Variants in TUSC3 observed in about 807,000 individuals in gnomAD.
TUSC3 encodes dolichyl-diphosphooligosaccharide--protein glycosyltransferase subunit TUSC3.
A neutral mutation model predicts 44.8 loss-of-function variants in TUSC3; 45 were observed. The observed-to-expected ratio is 1.00, with a 90% CI of 0.79 to 1.29. The LOEUF (loss-of-function observed/expected upper bound fraction) is 1.29. Among genes scored for constraint, TUSC3 ranks in the 50% most tolerant of loss-of-function variants. The pLI, the probability that TUSC3 is intolerant of heterozygous loss-of-function variation, is 0.00. For missense variants in TUSC3, 519 were observed against 437.9 expected, an observed-to-expected ratio of 1.19 and a Z score of -1.65; for synonymous variants, 212 against 152.9, an observed-to-expected ratio of 1.39 and a Z score of -2.85.
chr8:15,837,407 C>CTAATTATACG, the TUSC3 span, among the ~76,000 whole-genome samples: 1 of 152,084 alleles, frequency 6.6e-6, no homozygotes, highest in Non-Finnish European at 1.5e-5. Context: ...TTTTGTCAGA[C>CTAATTATACG]TAATTATACG....
intron 1 of TUSC3, among the ~76,000 whole-genome samples, chr8:15,558,348 G>A (rs1375049253): frequency 4.1e-5 from 2 of 49,140 alleles, no homozygotes; most frequent in Admixed American, 2.4e-4. Flanking sequence ...CCGTCCCAGG[G>A]ATGAAGCCCA....
intron 1 of TUSC3, among the ~76,000 whole-genome samples, chr8:15,617,942 C>G (rs1805065860): frequency 6.6e-6 from 1 of 152,056 alleles, no homozygotes; most frequent in South Asian, 2.1e-4. Flanking sequence ...GGTATAGCTC[C>G]TAGGGTACAA....
chr8:15,807,211 C>T, the TUSC3 span: 2 of 702,588 alleles, frequency 2.8e-6, no homozygotes, highest in African/African-American at 1.8e-5. Flanking sequence ...CTGCGTAGCT[C>T]GTATCGCAAC....
intron 10 of TUSC3, among the ~76,000 whole-genome samples, chr8:15,759,443 TTCCAAA>T (rs1167936464): frequency 6.6e-6 from 1 of 151,998 alleles, no homozygotes; most frequent in East Asian, 1.9e-4. Context: ...ATTCTGGGTT[TTCCAAA>T]TATGAGAAAC....
rs146792041 is a variant in TUSC3 at position 15,622,442 on chromosome 8, C to G, written c.139-638C>G. Among the ~76,000 whole-genome samples, 146 of 150,344 alleles carry G rather than the reference C, an allele frequency of 9.7e-4. 2 individuals carry two copies. The highest frequency in any genetic ancestry group is 1.8e-3 in the Non-Finnish European group (123 of 67,980). On this transcript the variant is annotated intron_variant, in intron 1 of 10. Transcript: ENST00000503731. ...GCCACCATTCCCAGCCTATAAGAGC[C>G]TTCTATACAGAAGCTACAGTGCTGT...
At chr8:15,476,698 C>G (rs1024646158) in intron 1 of TUSC3, among the ~76,000 whole-genome samples, 1 of 152,186 alleles carries the variant, frequency 6.6e-6, no homozygotes, top group Non-Finnish European at 1.5e-5. Flanking sequence ...GTACCCTCCA[C>G]AGGGTGGGAG....
intron 2 of TUSC3, among the ~76,000 whole-genome samples, chr8:15,504,154 A>G (rs1801013403): frequency 6.6e-6 from 1 of 152,172 alleles, no homozygotes; most frequent in South Asian, 2.1e-4. Flanking sequence ...GTAGAGGTTA[A>G]TAGTGTAGGC....
At chr8:15,727,908 G>T (rs1300288034) in intron 6 of TUSC3, among the ~76,000 whole-genome samples, 4 of 152,144 alleles carry the variant, frequency 2.6e-5, no homozygotes, top group Non-Finnish European at 4.4e-5. Context: ...AATAATTGAG[G>T]TTAAGTAGTT....
At chr8:15,779,404 A>G in the TUSC3 span, among the ~76,000 whole-genome samples, 1 of 152,136 alleles carries the variant, frequency 6.6e-6, no homozygotes, top group South Asian at 2.1e-4. Flanking sequence ...AAATTATCCA[A>G]AAATATCCTT....
At chr8:15,678,493 A>G (rs1355419217) in intron 6 of TUSC3, among the ~76,000 whole-genome samples, 1 of 152,206 alleles carries the variant, frequency 6.6e-6, no homozygotes, top group African/African-American at 2.4e-5. Context: ...AAAAAGCAAC[A>G]AATAAAAGTC....
At chr8:15,740,696 A>G (rs1811155167) in intron 7 of TUSC3, among the ~76,000 whole-genome samples, 1 of 152,218 alleles carries the variant, frequency 6.6e-6, no homozygotes, top group South Asian at 2.1e-4. Flanking sequence ...TTGAACTAAC[A>G]TTGCTCATTT....
intron 1 of TUSC3, among the ~76,000 whole-genome samples, chr8:15,422,682 C>T (rs2129115355): frequency 6.6e-6 from 1 of 152,166 alleles, no homozygotes; most frequent in South Asian, 2.1e-4. Context: ...GACAGGGTCT[C>T]ACTCTGTCAC....
chr8:15,467,315 C>G (rs1382402911), intron 1 of TUSC3, among the ~76,000 whole-genome samples: 5 of 148,930 alleles, frequency 3.4e-5, no homozygotes, highest in African/African-American at 1.2e-4. Context: ...GAGCTTTTCT[C>G]TATCTTCTCT....
intron 1 of TUSC3, among the ~76,000 whole-genome samples, chr8:15,615,905 G>A (rs1804967745): frequency 6.6e-6 from 1 of 152,200 alleles, no homozygotes; most frequent in Admixed American, 6.5e-5. Context: ...AAGTTCCACA[G>A]TTCCGTGGCT....
At chr8:15,671,941 A>G (rs1807964566) in intron 5 of TUSC3, among the ~76,000 whole-genome samples, 2 of 151,984 alleles carry the variant, frequency 1.3e-5, no homozygotes, top group Admixed American at 1.3e-4. Flanking sequence ...AGAGTCCAGT[A>G]ACATACCTGT....
At chr8:15,434,893 C>A (rs1171878532) in intron 1 of TUSC3, among the ~76,000 whole-genome samples, 3 of 151,856 alleles carry the variant, frequency 2.0e-5, no homozygotes, top group Admixed American at 2.0e-4. Context: ...GCATAGTATT[C>A]CATGGTGTAT....
chr8:15,722,156 G>A (rs919809680), intron 6 of TUSC3, among the ~76,000 whole-genome samples: 1 of 151,752 alleles, frequency 6.6e-6, no homozygotes, highest in Middle Eastern at 3.4e-3. Flanking sequence ...CTATGTTTTT[G>A]TTGGCTGACT....
intron 2 of TUSC3, among the ~76,000 whole-genome samples, chr8:15,512,868 G>GTT (rs1256273784): frequency 1.4e-5 from 1 of 70,044 alleles, no homozygotes; most frequent in Admixed American, 1.8e-4. Flanking sequence ...ATATATATGT[G>GTT]TGTGTATATA....
chr8:15,605,498 G>A (rs112493959), intron 1 of TUSC3, among the ~76,000 whole-genome samples: 2,080 of 151,928 alleles, frequency 0.014, 37 homozygotes, highest in African/African-American at 0.047. Flanking sequence ...TATGAATTGC[G>A]TGGGTCTATT....
Sources: allele counts gnomAD v4.1 joint callset (sites outside exome capture counted in the v4.1 genomes callset), GRCh38; gene constraint gnomAD v4.1.1; transcripts MANE v1.5; gene names NCBI Gene and HGNC (gene_info 2026-07-23, HGNC 2026-07-21).